Variants in PTDSS1 observed in about 807,000 individuals in gnomAD.
PTDSS1 encodes PSS-1.
In PTDSS1, 45 loss-of-function variants were observed where a neutral mutation model predicts 70.5. The ratio of observed to expected loss-of-function variants is 0.64; its 90% CI spans 0.50 to 0.82. PTDSS1 has a LOEUF of 0.82. Ranked by LOEUF, PTDSS1 falls within the 40% of genes least tolerant of loss-of-function variation. The pLI is 0.00. For synonymous variants in PTDSS1, 188 were observed against 203.8 expected (o/e 0.92, Z 0.66); for missense variants, 417 against 586.1 (o/e 0.71, Z 2.98).
chr8:96,292,776 T>C (rs911534267), intron 4 of PTDSS1, among the ~76,000 whole-genome samples: 3 of 152,244 alleles, frequency 2.0e-5, no homozygotes, highest in African/African-American at 7.2e-5. Flanking sequence ...CTGGGCTGAA[T>C]TAAGCAAGCC....
intron 4 of PTDSS1, 113 bp from the exon 5 acceptor site, chr8:96,294,985 C>G: frequency 1.0e-6 from 1 of 987,274 alleles, no homozygotes; most frequent in Non-Finnish European, 1.4e-6. Context: ...TGTTACTGAG[C>G]AGGACTTATT....
rs1302839638 is a variant in PTDSS1 at position 96,282,505 on chromosome 8, C to T, written c.272-1604C>T. ...ATAAACCCCTAACCATCTGAGTTCT[C>T]ACTACCTGCCATCCAAAACGCAGGA... On this transcript the variant is annotated intron_variant, in intron 2 of 12. Transcript: ENST00000517309. Among the ~76,000 whole-genome samples, 4 of 152,188 alleles carry T rather than the reference C, an allele frequency of 2.6e-5. No individual in the cohort carries two copies. In the East Asian group the frequency reaches 7.7e-4, roughly 29 times the overall value.
At chr8:96,276,980 GCACACACACACACA>G (rs57116529) in intron 2 of PTDSS1, among the ~76,000 whole-genome samples, 2 of 145,906 alleles carry the variant, frequency 1.4e-5, no homozygotes, top group Admixed American at 6.7e-5. Context: ...GCACGCGCGC[GCACACACACACACA>G]CACACACACA....
At chr8:96,320,410 G>A (rs1485409056) in intron 10 of PTDSS1, 65 bp downstream of exon 10, 35 of 1,370,704 alleles carry the variant, frequency 2.6e-5, no homozygotes, top group Non-Finnish European at 3.6e-5. Flanking sequence ...TAAACGGAGG[G>A]GGGCAAAGAA....
At position 96,262,251 on chromosome 8, in the gene PTDSS1, C is replaced by G. The variant is rs1439275921; in HGVS notation, c.179+32C>G. 1 of 1,595,694 alleles carries G rather than the reference C, an allele frequency of 6.3e-7. No individual in the cohort carries two copies. Among genetic ancestry groups the G allele is most frequent in the Non-Finnish European group, 8.6e-7 (1 of 1,168,096 alleles). ...CGGCCCAGCCGAGCGGGGGGCGCGT[C>G]CAAGGGCTAGGGAAGAGGCGGGAGG... is the stretch of plus-strand genomic sequence containing the variant. On this transcript the variant is annotated intron_variant, in intron 1 of 12. Coordinates refer to ENST00000517309, the MANE Select transcript of PTDSS1 (RefSeq NM_014754.3). This position sits in a 1 kb window ranked among gnomAD's most constrained non-coding sequence, Gnocchi z 4.4.
intron 4 of PTDSS1, among the ~76,000 whole-genome samples, chr8:96,293,859 C>G (rs531392981): frequency 6.6e-6 from 1 of 151,942 alleles, no homozygotes; most frequent in Non-Finnish European, 1.5e-5. Context: ...TTGAGGTTGA[C>G]TGGACGTGGC....
intron 9 of PTDSS1, among the ~76,000 whole-genome samples, chr8:96,310,055 G>A (rs897650140): frequency 4.6e-5 from 7 of 151,762 alleles, no homozygotes; most frequent in Non-Finnish European, 8.8e-5. Context: ...CTTGAACCCG[G>A]GAGGCTGAGG....
At chr8:96,274,307 A>C (rs1056254002) in intron 2 of PTDSS1, among the ~76,000 whole-genome samples, 1 of 152,172 alleles carries the variant, frequency 6.6e-6, no homozygotes, top group Admixed American at 6.5e-5. Flanking sequence ...GTAATATAAG[A>C]AGCTCATTAT....
At chr8:96,320,695 T>C (rs1027355529) in intron 10 of PTDSS1, among the ~76,000 whole-genome samples, 1 of 152,224 alleles carries the variant, frequency 6.6e-6, no homozygotes, top group African/African-American at 2.4e-5. Flanking sequence ...CTCATCATCA[T>C]GCCGCATACA....
At chr8:96,313,099 TG>T (rs1811235343) in intron 9 of PTDSS1, among the ~76,000 whole-genome samples, 1 of 152,196 alleles carries the variant, frequency 6.6e-6, no homozygotes, top group Admixed American at 6.5e-5. Flanking sequence ...ATCACCCGCC[TG>T]GGGTTCTTTC....
intron 10 of PTDSS1, among the ~76,000 whole-genome samples, chr8:96,328,750 C>G (rs986072738): frequency 2.0e-5 from 3 of 152,140 alleles, no homozygotes; most frequent in Non-Finnish European, 4.4e-5. Flanking sequence ...AGGAACTGGG[C>G]CAAAGCTCGA....
intron 8 of PTDSS1, among the ~76,000 whole-genome samples, chr8:96,308,108 A>G (rs988884424): frequency 2.6e-5 from 4 of 152,224 alleles, no homozygotes; most frequent in Non-Finnish European, 5.9e-5. Context: ...TCCCGAGAGG[A>G]GAGAGAGTTT....
chr8:96,314,553 C>G (rs556981998), intron 9 of PTDSS1, among the ~76,000 whole-genome samples: 80 of 152,256 alleles, frequency 5.3e-4, no homozygotes, highest in African/African-American at 1.8e-3. Flanking sequence ...TGCCACACCC[C>G]ACCCCCTGCA....
rs1287687892 is a variant in PTDSS1, at chr8:96,262,817, C to T, written c.179+598C>T. 6.6e-6 allele frequency among the ~76,000 whole-genome samples: 1 copy of T among 152,176 alleles called. No individual in the cohort carries two copies. The highest frequency in any genetic ancestry group is 1.5e-5 in the Non-Finnish European group (1 of 68,030). ...CCGTATGCATTGCACACAAGTCATC[C>T]AGCATAACACTTCCCCCAGCCTCAA... On this transcript the variant is annotated intron_variant, in intron 1 of 12. Transcript: ENST00000517309. This position sits in a 1 kb window ranked among gnomAD's most constrained non-coding sequence, Gnocchi z 4.4.
At chr8:96,318,785 A>C (rs1811331122) in intron 9 of PTDSS1, among the ~76,000 whole-genome samples, 1 of 151,956 alleles carries the variant, frequency 6.6e-6, no homozygotes, top group African/African-American at 2.4e-5. Flanking sequence ...AAGTGGTTCT[A>C]ACTCCAGGCA....
At position 96,299,639 on chromosome 8, in the gene PTDSS1, G is replaced by T. The variant is rs926279613; in HGVS notation, c.601-55G>T. On this transcript the variant is annotated intron_variant, in intron 5 of 12. Transcript: ENST00000517309. ...TGTTAAAAAGGAAATCTATCTATCT[G>T]CATGGTACCCCAGTTTTGTTTATTT... 8.7e-6 allele frequency: 13 copies of T among 1,502,706 alleles called. No individual in the cohort carries two copies. The African/African-American group carries it at 1.6e-4, about 18-fold the overall frequency. 93.1% of individuals were successfully genotyped at this position (1,502,706 alleles called of 1,614,324 possible). A position where few individuals can be genotyped will look rare whatever the true frequency, so the allele number is the denominator to read the frequency against.
Position 96,304,028 on chromosome 8 carries a change from CTCT to C in PTDSS1, c.753-7_753-5del. 1 of 1,597,164 alleles carries C rather than the reference CTCT, an allele frequency of 6.3e-7. No individual in the cohort carries two copies. ...TCTCTGGATTTTCACTGGAGCCATTCTCTTCTTACAGGGACATTCATACCACCA... is the reference window on the plus strand; with the variant it reads ...TCTCTGGATTTTCACTGGAGCCATTCTCTTACAGGGACATTCATACCACCA... On this transcript the variant is annotated splice_polypyrimidine_tract_variant and intron_variant, in intron 6 of 12. Transcript: ENST00000517309.
At chr8:96,266,009 C>CG (rs1810480817) in intron 1 of PTDSS1, among the ~76,000 whole-genome samples, 1 of 152,232 alleles carries the variant, frequency 6.6e-6, no homozygotes, top group Non-Finnish European at 1.5e-5. Context: ...GCAAGGAAAA[C>CG]TTTTGTCTCA....
At chr8:96,281,228 A>G (rs1038706196) in intron 2 of PTDSS1, among the ~76,000 whole-genome samples, 4 of 152,222 alleles carry the variant, frequency 2.6e-5, no homozygotes, top group Admixed American at 1.3e-4. Flanking sequence ...GCTGTCTGAC[A>G]GTAAAGATTG....
Sources: allele counts gnomAD v4.1 joint callset (sites outside exome capture counted in the v4.1 genomes callset), GRCh38; gene constraint gnomAD v4.1.1; non-coding constraint Gnocchi (gnomAD v3.1); transcripts MANE v1.5; gene names NCBI Gene and HGNC (gene_info 2026-07-23, HGNC 2026-07-21).